The following CFAP69 variants were observed in gnomAD, a reference collection of about 807,000 sequenced individuals.
CFAP69 encodes cilia- and flagella-associated protein 69.
In CFAP69, 92 loss-of-function variants were observed where a neutral mutation model predicts 123.0. That is an observed-to-expected ratio of 0.75 (90% CI 0.63 to 0.89). The LOEUF is 0.89. Ranked by LOEUF, CFAP69 falls within the 40% of genes least tolerant of loss-of-function variation. The pLI is 0.00. For missense variants in CFAP69, 1,067 were observed against 1,096.9 expected, an observed-to-expected ratio of 0.97 and a Z score of 0.39; for synonymous variants, 380 against 364.3, an observed-to-expected ratio of 1.04 and a Z score of -0.49.
intron 1 of CFAP69, among the ~76,000 whole-genome samples, chr7:90,250,255 G>A (rs1436547757): frequency 7.0e-6 from 1 of 142,540 alleles, no homozygotes; most frequent in Non-Finnish European, 1.5e-5. Flanking sequence ...TGTCCATTGA[G>A]GAGTCAGGCA....
chr7:90,305,943 C>CTTTTT (rs11340254), intron 19 of CFAP69, among the ~76,000 whole-genome samples: 18 of 129,612 alleles, frequency 1.4e-4, no homozygotes, highest in Non-Finnish European at 2.4e-4. Flanking sequence ...TTCTTTCCTT[C>CTTTTT]TTTTTTTTTT....
Position 90,283,743 on chromosome 7 carries a change from G to A in CFAP69, c.1537+687G>A, listed in dbSNP as rs182316348. On this transcript the variant is annotated intron_variant, in intron 13 of 22. Coordinates refer to ENST00000389297, the MANE Select transcript of CFAP69 (RefSeq NM_001039706.3). ...GACTTTGAAAAGAGCTATTTCAGTC[G>A]TTCGTATTCAGTGATTGCTTCACTA... Among the ~76,000 whole-genome samples, 28 of 152,092 alleles carry A rather than the reference G, an allele frequency of 1.8e-4. 1 individual carries two copies. The South Asian group carries it at 4.4e-3, about 24-fold the overall frequency.
the CFAP69 span, chr7:90,319,609 T>G: frequency 6.6e-4 from 264 of 398,630 alleles, no homozygotes; most frequent in African/African-American, 4.8e-3. Context: ...TTTCCAGCAC[T>G]GGAGATCAAT....
chr7:90,247,846 A>AAAAAC (rs945489120), intron 1 of CFAP69, among the ~76,000 whole-genome samples: 10 of 152,344 alleles, frequency 6.6e-5, no homozygotes, highest in South Asian at 6.2e-4. Context: ...TCCGTCTCAA[A>AAAAAC]AAAACAAAAC....
intron 12 of CFAP69, among the ~76,000 whole-genome samples, chr7:90,281,537 C>A (rs1454290994): frequency 1.3e-5 from 2 of 152,032 alleles, no homozygotes; most frequent in Non-Finnish European, 2.9e-5. Flanking sequence ...GGTGTTGGGG[C>A]AGTTGGTCCT....
At chr7:90,269,726 A>C (rs1196658201) in intron 6 of CFAP69, among the ~76,000 whole-genome samples, 1 of 152,202 alleles carries the variant, frequency 6.6e-6, no homozygotes, top group Non-Finnish European at 1.5e-5. Flanking sequence ...GTGGCAGTTC[A>C]TGAATGCAGA....
chr7:90,274,257 C>A (rs988737090), intron 9 of CFAP69, 147 bp downstream of exon 9: 2 of 950,338 alleles, frequency 2.1e-6, no homozygotes, highest in South Asian at 1.9e-5. Context: ...GTGTGCTTAT[C>A]ACTCTGCCAA....
At chr7:90,279,405 A>T (rs1028601637) in intron 11 of CFAP69, among the ~76,000 whole-genome samples, 1 of 152,196 alleles carries the variant, frequency 6.6e-6, no homozygotes, top group Non-Finnish European at 1.5e-5. Context: ...TATTATAAGC[A>T]GGAACTACAT....
intron 14 of CFAP69, 95 bp from the exon 15 acceptor site, chr7:90,288,139 T>G: frequency 2.2e-6 from 2 of 891,750 alleles, no homozygotes; most frequent in Non-Finnish European, 3.4e-6. Flanking sequence ...TGTATTTCTC[T>G]GGTAAAAAAG....
intron 9 of CFAP69, among the ~76,000 whole-genome samples, chr7:90,275,235 A>G (rs899233705): frequency 1.3e-5 from 2 of 152,234 alleles, no homozygotes; most frequent in Admixed American, 6.5e-5. Flanking sequence ...TCTTTACTGT[A>G]GATTCTGGTA....
At chr7:90,275,678 T>G (rs1788502527) in intron 9 of CFAP69, among the ~76,000 whole-genome samples, 1 of 124,796 alleles carries the variant, frequency 8.0e-6, no homozygotes, top group Non-Finnish European at 1.6e-5. Flanking sequence ...CTCAGCTCAC[T>G]GCAAGCTCCG....
At chr7:90,307,900 C>A in intron 21 of CFAP69, 46 bp downstream of exon 21, 1 of 1,217,606 alleles carries the variant, frequency 8.2e-7, no homozygotes, top group Non-Finnish European at 1.2e-6. Context: ...ATAGCCAACT[C>A]TTACAGACAG....
chr7:90,285,014 A>G (rs1231708612), intron 13 of CFAP69, among the ~76,000 whole-genome samples: 1 of 152,204 alleles, frequency 6.6e-6, no homozygotes, highest in African/African-American at 2.4e-5. Flanking sequence ...GAATAAAGGC[A>G]AGGAGTTGAA....
chr7:90,283,956 A>G lies in CFAP69; in HGVS notation c.1537+900A>G, dbSNP rs148427361. 8.9e-3 allele frequency among the ~76,000 whole-genome samples: 1,350 copies of G among 152,204 alleles called. 21 individuals are homozygous for G. Among genetic ancestry groups the G allele is most frequent in the African/African-American group, 0.03 (1,262 of 41,540 alleles). On this transcript the variant is annotated intron_variant, in intron 13 of 22. Transcript: ENST00000389297. The stretch of plus-strand genomic sequence containing the variant: ...TATTGAAAAGGAGCTAGGTGAAAAC[A>G]TTTACCTTTTTGCCCAGTTTGTTTG...
chr7:90,319,999 A>G, the CFAP69 span, among the ~76,000 whole-genome samples: 1 of 152,168 alleles, frequency 6.6e-6, no homozygotes, highest in Admixed American at 6.5e-5. Flanking sequence ...GCAAAGGTTC[A>G]TTTCATCACA....
chr7:90,300,333 T>A (rs552479161), intron 17 of CFAP69: 36 of 909,124 alleles, frequency 4.0e-5, no homozygotes, highest in Middle Eastern at 5.5e-4. Context: ...CTAAAGATGC[T>A]TCTTTGGGTT....
At chr7:90,258,916 A>G (rs550398189) in intron 3 of CFAP69, among the ~76,000 whole-genome samples, 8 of 152,336 alleles carry the variant, frequency 5.3e-5, no homozygotes, top group Admixed American at 2.6e-4. Flanking sequence ...CATTATTTCT[A>G]TTAATTTACA....
chr7:90,299,944 T>C lies in CFAP69; in HGVS notation c.1935T>C (p.His645=), dbSNP rs1792539356. The C allele has an allele frequency of 6.2e-7, 1 of 1,612,166 alleles. No homozygotes were observed. The highest frequency in any genetic ancestry group is 1.3e-5 in the African/African-American group (1 of 74,962). ...EFCDNPKTAA[H]VNAWQGKKDQ... The stretch of plus-strand genomic sequence containing the variant: ...GTGATAATCCCAAAACTGCAGCTCA[T>C]GTCAATGCTTGGCAAGGGAAGAAGG... The change falls in exon 17 of 23, where the codon CAT becomes CAC. Residue 645 remains histidine, a synonymous_variant. Transcript: ENST00000389297.
At chr7:90,295,880 G>A (rs546089109) in intron 15 of CFAP69, among the ~76,000 whole-genome samples, 47 of 152,288 alleles carry the variant, frequency 3.1e-4, no homozygotes, top group South Asian at 1.9e-3. Context: ...TGTTGCCATG[G>A]CATTTGTAAA....
Sources: allele counts gnomAD v4.1 joint callset (sites outside exome capture counted in the v4.1 genomes callset), GRCh38; gene constraint gnomAD v4.1.1; transcripts MANE v1.5; gene names NCBI Gene and HGNC (gene_info 2026-07-23, HGNC 2026-07-21).